The following CENPK variants were observed in gnomAD, a reference collection of about 807,000 sequenced individuals.
CENPK encodes the protein SoxLZ/Sox6-binding protein Solt.
Under a neutral mutation model 40.9 loss-of-function variants are expected in CENPK, and 46 were observed. The ratio of observed to expected loss-of-function variants is 1.13; its 90% confidence interval spans 0.89 to 1.44. CENPK has a LOEUF of 1.44. Among genes scored for constraint, CENPK ranks in the 40% most tolerant of loss-of-function variants. The pLI is 0.00. For missense variants in CENPK, 288 were observed against 303.5 expected (o/e 0.95, Z 0.38); for synonymous variants, 107 against 104.4 (o/e 1.02, Z -0.15).
intron 3 of CENPK, among the ~76,000 whole-genome samples, 153 bp from the exon 4 acceptor site, chr5:65,552,702 C>T (rs548224286): frequency 2.0e-5 from 3 of 150,656 alleles, no homozygotes; most frequent in South Asian, 4.2e-4. Context: ...CTATGTAAGA[C>T]GATTAAGGCA....
chr5:65,545,660 A>G (rs1681888046), intron 5 of CENPK, among the ~76,000 whole-genome samples: 1 of 152,204 alleles, frequency 6.6e-6, no homozygotes, highest in Non-Finnish European at 1.5e-5. Flanking sequence ...TCAGGAAGGA[A>G]GAACAATAGA....
At chr5:65,530,240 A>T (rs1341864564) in intron 6 of CENPK, among the ~76,000 whole-genome samples, 2 of 152,212 alleles carry the variant, frequency 1.3e-5, no homozygotes, top group African/African-American at 4.8e-5. Flanking sequence ...GGATAGATGT[A>T]AAGCTGAACA....
intron 5 of CENPK, among the ~76,000 whole-genome samples, chr5:65,547,607 T>C (rs1749235745): frequency 6.6e-6 from 1 of 151,690 alleles, no homozygotes; most frequent in African/African-American, 2.4e-5. Context: ...AGCAAGAATA[T>C]GGATAAAATT....
intron 6 of CENPK, chr5:65,541,546 C>T: frequency 2.3e-6 from 1 of 430,118 alleles, no homozygotes; most frequent in South Asian, 1.6e-5. Flanking sequence ...TGTTTTTTTC[C>T]TCTCTATCCT....
chr5:65,502,136 G>T, the CENPK span, among the ~76,000 whole-genome samples: 5 of 152,136 alleles, frequency 3.3e-5, no homozygotes, highest in Non-Finnish European at 5.9e-5. Flanking sequence ...TGGTGGTAGG[G>T]TGGTATTTTT....
At chr5:65,556,297 C>T (rs1311111436) in intron 2 of CENPK, among the ~76,000 whole-genome samples, 2 of 151,996 alleles carry the variant, frequency 1.3e-5, no homozygotes, top group African/African-American at 4.8e-5. Context: ...CAAAGTAAGA[C>T]CCCTATCTCT....
chr5:65,548,457 G>T (rs977733140), intron 5 of CENPK, among the ~76,000 whole-genome samples: 4 of 151,942 alleles, frequency 2.6e-5, no homozygotes, highest in Admixed American at 2.6e-4. Flanking sequence ...GGTTGGGGTG[G>T]CTGTGGCCGT....
At chr5:65,555,728 A>G (rs1385568619) in intron 2 of CENPK, among the ~76,000 whole-genome samples, 1 of 152,254 alleles carries the variant, frequency 6.6e-6, no homozygotes, top group East Asian at 1.9e-4. Context: ...AACAGCATGT[A>G]TATGGACTGT....
At chr5:65,561,711 T>C in intron 1 of CENPK, 147 bp from the exon 2 acceptor site, 1 of 241,146 alleles carries the variant, frequency 4.1e-6, no homozygotes, top group Admixed American at 4.5e-5. Context: ...GGTCCCCAGT[T>C]AGGACTACAA....
intron 6 of CENPK, among the ~76,000 whole-genome samples, chr5:65,539,022 T>TA (rs907636345): frequency 1.3e-5 from 2 of 152,250 alleles, no homozygotes; most frequent in African/African-American, 4.8e-5. Flanking sequence ...GGCACATACT[T>TA]ACCTCTTTCC....
Position 65,562,497 on chromosome 5 carries a change from T to C in CENPK, c.-142+601A>G, listed in dbSNP as rs151319862. ...AAGAGATTTACGACGAGGATTTTATTAGGTTGGTGCAAAAGTAATTGCAGA... is the reference window on the plus strand; with the variant it reads ...AAGAGATTTACGACGAGGATTTTATCAGGTTGGTGCAAAAGTAATTGCAGA... On this transcript the variant is annotated intron_variant, in intron 1 of 10. Coordinates refer to ENST00000396679, the MANE Select transcript of CENPK (RefSeq NM_022145.5). Among the ~76,000 whole-genome samples, 357 of 152,280 alleles carry C rather than the reference T, an allele frequency of 2.3e-3. 2 individuals are homozygous for C. The highest frequency in any genetic ancestry group is 8.3e-3 in the African/African-American group (343 of 41,538).
chr5:65,518,375 G>A lies in CENPK; in HGVS notation c.*100C>T, dbSNP rs978818163. The A allele has an allele frequency of 1.7e-5, 20 of 1,150,374 alleles. No homozygotes were observed. Among genetic ancestry groups the A allele is most frequent in the Middle Eastern group, 2.0e-4 (1 of 5,068 alleles). 71.3% of individuals were successfully genotyped at this position (1,150,374 alleles called of 1,614,324 possible). On this transcript the variant is annotated 3_prime_UTR_variant, in exon 11 of 11. Transcript: ENST00000396679. ...GCAATAAAAGTAAGATGGCCTATGC[G>A]CATTAATTTGCAAATAATGTTTTTT...
the CENPK span, among the ~76,000 whole-genome samples, chr5:65,506,605 G>A: frequency 2.6e-5 from 4 of 152,238 alleles, no homozygotes; most frequent in East Asian, 5.8e-4. Context: ...CCAACATGGC[G>A]AAACCCTGTC....
intron 5 of CENPK, among the ~76,000 whole-genome samples, chr5:65,544,425 G>A (rs1009155223): frequency 1.6e-4 from 25 of 152,194 alleles, no homozygotes; most frequent in African/African-American, 6.0e-4. Flanking sequence ...GAAACCATGT[G>A]CACTGTCGGT....
At chr5:65,532,796 C>G (rs1746079208) in intron 6 of CENPK, among the ~76,000 whole-genome samples, 1 of 147,054 alleles carries the variant, frequency 6.8e-6, no homozygotes, top group Admixed American at 7.1e-5. Context: ...GTAATCCCAG[C>G]TACTTGGGAG....
At chr5:65,545,421 A>G (rs1423147211) in intron 5 of CENPK, among the ~76,000 whole-genome samples, 2 of 151,564 alleles carry the variant, frequency 1.3e-5, no homozygotes, top group East Asian at 3.9e-4. Flanking sequence ...ATGACAGCAC[A>G]TTTCTCATCA....
chr5:65,535,884 A>T (rs764597992), intron 6 of CENPK, among the ~76,000 whole-genome samples: 3 of 152,202 alleles, frequency 2.0e-5, no homozygotes, highest in Admixed American at 1.3e-4. Context: ...TAAGGAAAGC[A>T]CTGTTTGAGA....
At position 65,528,998 on chromosome 5, in the gene CENPK, C is replaced by G; in HGVS notation, c.391G>C (p.Glu131Gln). ...AGAGATTCCATTATCTGTTGCTGTT[C>G]ATCCAACCACCGTTGTTCCCTTTCG... ...DLEREQRWLD[E>Q]QQQIMESLNV... The change falls in exon 8 of 11, where the codon GAA becomes CAA. Residue 131 changes from glutamate (E) to glutamine (Q), a missense_variant. Glu to Gln is a conservative substitution (Grantham distance 29). Coordinates refer to ENST00000396679, the MANE Select transcript of CENPK (RefSeq NM_022145.5). The G allele has an allele frequency of 6.2e-7, 1 of 1,609,962 alleles. No individual in the cohort carries two copies. The highest frequency in any genetic ancestry group is 8.5e-7 in the Non-Finnish European group (1 of 1,177,470).
downstream of CENPK, among the ~76,000 whole-genome samples, chr5:65,513,828 A>T (rs1161149620): frequency 1.3e-5 from 2 of 152,148 alleles, no homozygotes; most frequent in Admixed American, 6.6e-5. Context: ...ACCATTAAGT[A>T]TGTTGTTAGC....
Sources: gnomAD v4.1 joint callset for allele counts (sites outside exome capture counted in the v4.1 genomes callset) on GRCh38, gnomAD v4.1.1 for gene constraint, MANE v1.5 for transcripts, NCBI Gene and HGNC (gene_info 2026-07-23, HGNC 2026-07-21) for gene names.